COL25A1: variants seen among roughly 807,000 people sequenced by gnomAD.
The protein encoded by COL25A1 is collagen alpha-1(XXV) chain.
Under a neutral mutation model 128.4 loss-of-function variants are expected in COL25A1, and 103 were observed. The observed-to-expected ratio is 0.80, with a 90% CI of 0.68 to 0.94. The LOEUF (loss-of-function observed/expected upper bound fraction) is 0.94, where lower values mean the gene tolerates loss of function less well. Ranked by LOEUF, COL25A1 falls within the 40% of genes least tolerant of loss-of-function variation. The pLI is 0.00. For synonymous variants in COL25A1, 279 were observed against 277.2 expected (o/e 1.01, Z -0.06); for missense variants, 745 against 840.0 (o/e 0.89, Z 1.40).
At chr4:109,178,500 G>C (rs997590591) in intron 3 of COL25A1, among the ~76,000 whole-genome samples, 1 of 152,108 alleles carries the variant, frequency 6.6e-6, no homozygotes, top group African/African-American at 2.4e-5. Context: ...CAAACTATCT[G>C]ATCTCTGTAA....
At chr4:108,975,590 T>C (rs1307446732) in intron 6 of COL25A1, among the ~76,000 whole-genome samples, 1 of 152,210 alleles carries the variant, frequency 6.6e-6, no homozygotes, top group African/African-American at 2.4e-5. Flanking sequence ...TGCTGCCAAA[T>C]GGTTTTTCAA....
intron 8 of COL25A1, among the ~76,000 whole-genome samples, chr4:108,967,586 C>T (rs1264664048): frequency 6.6e-6 from 1 of 152,046 alleles, no homozygotes; most frequent in African/African-American, 2.4e-5. Flanking sequence ...AGAATTTGAT[C>T]CCTGTCCAGC....
intron 3 of COL25A1, among the ~76,000 whole-genome samples, chr4:109,115,751 T>C (rs1048953425): frequency 2.0e-5 from 3 of 151,928 alleles, no homozygotes; most frequent in South Asian, 4.1e-4. Context: ...AAGAAAGCAA[T>C]AGTTCCCAAA....
intron 26 of COL25A1, among the ~76,000 whole-genome samples, chr4:108,851,646 T>A: frequency 6.6e-6 from 1 of 152,186 alleles, no homozygotes; most frequent in East Asian, 1.9e-4. Context: ...TTTGGAGGGA[T>A]AAAGCCATCA....
At chr4:108,981,395 C>T (rs1188597528) in intron 6 of COL25A1, among the ~76,000 whole-genome samples, 1 of 152,042 alleles carries the variant, frequency 6.6e-6, no homozygotes, top group Non-Finnish European at 1.5e-5. Context: ...TTGCAAATAA[C>T]GAACTACAAA....
chr4:108,952,854 TTTG>T (rs1300518455), intron 8 of COL25A1, among the ~76,000 whole-genome samples: 50 of 137,276 alleles, frequency 3.6e-4, no homozygotes, highest in African/African-American at 1.6e-3. Context: ...TTTTTTTTTT[TTTG>T]GCATGTTTCA....
At chr4:108,824,272 T>C (rs1445253836) in intron 34 of COL25A1, 45 bp from the exon 35 acceptor site, 1 of 1,333,418 alleles carries the variant, frequency 7.5e-7, no homozygotes, top group Non-Finnish European at 1.1e-6. Context: ...GGTGTAATAG[T>C]GGCAAAATCA....
At chr4:108,908,250 T>C (rs1294042461) in intron 13 of COL25A1, among the ~76,000 whole-genome samples, 1 of 152,186 alleles carries the variant, frequency 6.6e-6, no homozygotes, top group East Asian at 1.9e-4. Context: ...TTTTGTGAAT[T>C]CAAGATTCAC....
chr4:109,054,459 A>C lies in COL25A1; in HGVS notation c.368-4280T>G, dbSNP rs1464333513. Among the ~76,000 whole-genome samples the C allele has an allele frequency of 3.3e-5, 5 of 152,286 alleles. No homozygotes were observed. The South Asian group carries it at 8.3e-4, about 25-fold the overall frequency. On this transcript the variant is annotated intron_variant, in intron 3 of 37. Coordinates refer to ENST00000399132, the MANE Select transcript of COL25A1 (RefSeq NM_198721.4). Reference sequence around the variant, plus strand: ...CAAGTGTTTCCTTCATTTTTCATTCATGTGTTGAAGCTTATAAACCATTTC... The same window carrying C: ...CAAGTGTTTCCTTCATTTTTCATTCCTGTGTTGAAGCTTATAAACCATTTC...
intron 5 of COL25A1, chr4:109,022,147 C>A (rs1297383616): frequency 4.4e-6 from 2 of 453,306 alleles, no homozygotes; most frequent in Non-Finnish European, 8.8e-6. Flanking sequence ...GGTTTTACAG[C>A]TCAGGTGGGC....
intron 3 of COL25A1, among the ~76,000 whole-genome samples, chr4:109,268,989 A>T (rs1578596470): frequency 1.3e-5 from 2 of 151,490 alleles, no homozygotes; most frequent in East Asian, 3.9e-4. Context: ...TGTGCAGGTT[A>T]GTTACATACG....
At chr4:109,115,336 C>T (rs1211814749) in intron 3 of COL25A1, among the ~76,000 whole-genome samples, 5 of 151,984 alleles carry the variant, frequency 3.3e-5, no homozygotes, top group Admixed American at 2.6e-4. Context: ...GACTTTCTTG[C>T]GTTGAAAGGA....
At chr4:109,290,314 T>C (rs1381808698) in intron 3 of COL25A1, among the ~76,000 whole-genome samples, 3 of 152,112 alleles carry the variant, frequency 2.0e-5, no homozygotes, top group African/African-American at 7.2e-5. Flanking sequence ...ATATATAGCA[T>C]TCCTCATATA....
intron 12 of COL25A1, among the ~76,000 whole-genome samples, chr4:108,919,519 CTATCTT>C (rs1745254148): frequency 1.3e-5 from 2 of 152,144 alleles, no homozygotes; most frequent in African/African-American, 4.8e-5. Flanking sequence ...TAAAAAGTCT[CTATCTT>C]TGATGGATTC....
At chr4:109,210,471 ACC>A (rs1777407800) in intron 3 of COL25A1, among the ~76,000 whole-genome samples, 1 of 152,164 alleles carries the variant, frequency 6.6e-6, no homozygotes, top group Non-Finnish European at 1.5e-5. Context: ...CCTGTAAGAT[ACC>A]TTCCAAGATA....
intron 8 of COL25A1, among the ~76,000 whole-genome samples, chr4:108,949,372 A>C (rs1749132746): frequency 6.6e-6 from 1 of 152,144 alleles, no homozygotes; most frequent in South Asian, 2.1e-4. Context: ...TATAAATATT[A>C]ACTCTTTTAA....
rs189504401 is a variant in COL25A1 at position 108,812,758 on chromosome 4, G to A, written c.*1169C>T. ...GACATGGTTGGATCGTAGGAGGAAG[G>A]AAAGCTCTCACAACAACTTTGGCAC... On this transcript the variant is annotated 3_prime_UTR_variant, in exon 38 of 38. Transcript: ENST00000399132. 6.6e-5 allele frequency: 10 copies of A among 152,304 alleles called. No homozygotes were observed. The East Asian group carries it at 1.7e-3, about 26-fold the overall frequency. 9.4% of individuals were successfully genotyped at this position (152,304 alleles called of 1,614,324 possible).
Position 108,841,690 on chromosome 4 carries a change from A to G in COL25A1, c.1656+5T>C. 6.2e-7 allele frequency: 1 copy of G among 1,611,078 alleles called. No individual in the cohort carries two copies. The highest frequency in any genetic ancestry group is 8.5e-7 in the Non-Finnish European group (1 of 1,177,434). On this transcript the variant is annotated splice_donor_5th_base_variant and intron_variant, in intron 31 of 37. Transcript: ENST00000399132. Reference sequence around the variant, plus strand: ...ATCAAATAATCAAGGGATTTGTTGGATTACCTTTGGTCCAGGAAGTCCATG... The same window carrying G: ...ATCAAATAATCAAGGGATTTGTTGGGTTACCTTTGGTCCAGGAAGTCCATG...
At chr4:109,079,152 T>A (rs1763626200) in intron 3 of COL25A1, among the ~76,000 whole-genome samples, 1 of 152,190 alleles carries the variant, frequency 6.6e-6, no homozygotes, top group Non-Finnish European at 1.5e-5. Context: ...GAAATACAGT[T>A]TCATAATAAT....
Sources: allele counts gnomAD v4.1 joint callset (sites outside exome capture counted in the v4.1 genomes callset), GRCh38; gene constraint gnomAD v4.1.1; transcripts MANE v1.5; gene names NCBI Gene and HGNC (gene_info 2026-07-23, HGNC 2026-07-21).